Variants in PAN3 observed in about 807,000 individuals in gnomAD.
PAN3 encodes poly(A) specific ribonuclease subunit PAN3, also known as PAN2-PAN3 deadenylation complex subunit PAN3.
PAN3 carries 19 observed loss-of-function variants against 96.2 expected under a neutral mutation model. The observed-to-expected ratio is 0.20, with a 90% CI of 0.14 to 0.29. The LOEUF is 0.29. Ranked by LOEUF, PAN3 falls within the 10% of genes least tolerant of loss-of-function variation. PAN3 has a pLI of 1.00. For synonymous variants in PAN3, 433 were observed against 406.6 expected (o/e 1.06, Z -0.78); for missense variants, 882 against 1,108.1 (o/e 0.80, Z 2.90).
At chr13:28,194,287 A>G (rs1430015106) in intron 4 of PAN3, among the ~76,000 whole-genome samples, 1 of 151,740 alleles carries the variant, frequency 6.6e-6, no homozygotes. Context: ...GTCCATGTAT[A>G]AATCATTTGA....
intron 1 of PAN3, among the ~76,000 whole-genome samples, chr13:28,154,497 A>T (rs184516604): frequency 1.3e-5 from 2 of 151,606 alleles, no homozygotes; most frequent in Admixed American, 1.3e-4. Context: ...TATTTTTTAT[A>T]TATTTATTTA....
intron 6 of PAN3, among the ~76,000 whole-genome samples, chr13:28,226,256 T>A (rs1008412489): frequency 6.6e-6 from 1 of 152,228 alleles, no homozygotes; most frequent in Non-Finnish European, 1.5e-5. Context: ...ACCATATTTA[T>A]ATGGTTCTTA....
rs949661339 is a variant in PAN3, at chr13:28,268,342, G to C, written c.1792+941G>C. Among the ~76,000 whole-genome samples, 4 of 151,934 alleles carry C rather than the reference G, an allele frequency of 2.6e-5. No individual in the cohort carries two copies. The South Asian group carries it at 8.3e-4, about 32-fold the overall frequency. On this transcript the variant is annotated intron_variant, in intron 12 of 18. Coordinates refer to ENST00000380958, the MANE Select transcript of PAN3 (RefSeq NM_175854.8). Reference sequence around the variant, plus strand: ...CTATTATGACTATATTGTTCTTTATGTAATTATTTCCCTAAACAAATGCTT... The same window carrying C: ...CTATTATGACTATATTGTTCTTTATCTAATTATTTCCCTAAACAAATGCTT...
intron 1 of PAN3, among the ~76,000 whole-genome samples, chr13:28,141,039 T>G (rs373867920): frequency 2.8e-5 from 4 of 142,166 alleles, no homozygotes; most frequent in African/African-American, 1.2e-4. Context: ...GAGGCTTGCT[T>G]GTCGTCCAGG....
intron 5 of PAN3, among the ~76,000 whole-genome samples, chr13:28,206,724 A>AT (rs1336334402): frequency 6.8e-6 from 1 of 147,700 alleles, no homozygotes; most frequent in East Asian, 2.0e-4. Flanking sequence ...TAGCTCTTAG[A>AT]TTGTTATTAG....
intron 1 of PAN3, among the ~76,000 whole-genome samples, chr13:28,139,914 G>T (rs1225634823): frequency 6.6e-6 from 1 of 152,032 alleles, no homozygotes; most frequent in Admixed American, 6.6e-5. Context: ...ACATCTTAAG[G>T]CTGTTTATAT....
intron 5 of PAN3, among the ~76,000 whole-genome samples, chr13:28,218,419 G>T (rs1881040576): frequency 6.6e-6 from 1 of 151,878 alleles, no homozygotes; most frequent in Non-Finnish European, 1.5e-5. Context: ...CCAAATCAAG[G>T]AATACTAAAT....
intron 4 of PAN3, among the ~76,000 whole-genome samples, chr13:28,183,665 T>C (rs953176254): frequency 9.9e-5 from 15 of 152,216 alleles, no homozygotes; most frequent in Non-Finnish European, 1.9e-4. Context: ...GGAATGATAA[T>C]AACACGGCAG....
chr13:28,213,009 T>C (rs1187934683), intron 5 of PAN3, among the ~76,000 whole-genome samples: 2 of 151,968 alleles, frequency 1.3e-5, no homozygotes, highest in East Asian at 3.9e-4. Context: ...TCAAGGCACA[T>C]CAAAGAAGCA....
chr13:28,193,543 A>G (rs952381046), intron 4 of PAN3, among the ~76,000 whole-genome samples: 12 of 151,748 alleles, frequency 7.9e-5, no homozygotes, highest in Admixed American at 5.9e-4. Flanking sequence ...GGAGTTTGAG[A>G]CCAGCTTGGG....
chr13:28,288,680 T>G (rs184562900), intron 18 of PAN3, among the ~76,000 whole-genome samples: 3 of 152,216 alleles, frequency 2.0e-5, no homozygotes, highest in Non-Finnish European at 4.4e-5. Context: ...TTATGCAATG[T>G]TTTATTTACA....
At chr13:28,181,910 T>TATA (rs1193094336) in intron 4 of PAN3, among the ~76,000 whole-genome samples, 1 of 152,188 alleles carries the variant, frequency 6.6e-6, no homozygotes, top group Non-Finnish European at 1.5e-5. Context: ...ATGCCTAATT[T>TATA]TATAGAGAGA....
Position 28,280,533 on chromosome 13 carries a change from C to A in PAN3, c.2311C>A (p.Leu771Ile). The change falls in exon 16 of 19, where the codon CTT becomes ATT. Residue 771 changes from leucine to isoleucine, a missense_variant. Leu to Ile is a conservative substitution (Grantham distance 5). Coordinates refer to ENST00000380958, the MANE Select transcript of PAN3 (RefSeq NM_175854.8). ...QMRNDVIEED[L>I]AKEVQNGRLF... ...GAGAAATGATGTCATAGAGGAAGACCTTGCAAAGGTAAAGAGTGTAAATTT... is the reference window on the plus strand; with the variant it reads ...GAGAAATGATGTCATAGAGGAAGACATTGCAAAGGTAAAGAGTGTAAATTT... 1 of 1,580,752 alleles carries A rather than the reference C, an allele frequency of 6.3e-7. No individual in the cohort carries two copies. The highest frequency in any genetic ancestry group is 2.2e-5 in the East Asian group (1 of 44,458).
chr13:28,163,319 T>C (rs1371818063), intron 1 of PAN3, among the ~76,000 whole-genome samples: 1 of 152,088 alleles, frequency 6.6e-6, no homozygotes, highest in Non-Finnish European at 1.5e-5. Context: ...AAAAGGAAGT[T>C]TTTTTTTCTC....
At chr13:28,148,513 AT>A (rs879572873) in intron 1 of PAN3, among the ~76,000 whole-genome samples, 3 of 152,192 alleles carry the variant, frequency 2.0e-5, no homozygotes, top group Non-Finnish European at 2.9e-5. Flanking sequence ...TGTTTTTGGA[AT>A]TAGAAATGTA....
intron 1 of PAN3, among the ~76,000 whole-genome samples, chr13:28,149,504 A>G (rs1449585741): frequency 1.3e-5 from 2 of 152,218 alleles, no homozygotes; most frequent in African/African-American, 4.8e-5. Flanking sequence ...TGGTAACTTA[A>G]TAAGTTCATA....
intron 6 of PAN3, among the ~76,000 whole-genome samples, chr13:28,222,019 C>G: frequency 6.6e-6 from 1 of 152,132 alleles, no homozygotes; most frequent in East Asian, 1.9e-4. Flanking sequence ...AAACTTTGGC[C>G]TTAATTACAT....
chr13:28,155,105 C>T (rs1426244371), intron 1 of PAN3, among the ~76,000 whole-genome samples: 5 of 151,858 alleles, frequency 3.3e-5, no homozygotes, highest in African/African-American at 7.3e-5. Context: ...CGTGAGCCAC[C>T]GCGCACGGCG....
chr13:28,180,487 CAT>C (rs1875631608), intron 4 of PAN3, among the ~76,000 whole-genome samples: 2 of 152,182 alleles, frequency 1.3e-5, no homozygotes, highest in East Asian at 3.9e-4. Flanking sequence ...AGGAGTATGA[CAT>C]ATTACACATA....
Sources: gnomAD v4.1 joint callset for allele counts (sites outside exome capture counted in the v4.1 genomes callset) on GRCh38, gnomAD v4.1.1 for gene constraint, MANE v1.5 for transcripts, NCBI Gene and HGNC (gene_info 2026-07-23, HGNC 2026-07-21) for gene names.